The following MIA2 variants were observed in gnomAD, a reference collection of about 807,000 sequenced individuals.
MIA2 encodes melanoma inhibitory activity protein 2.
A neutral mutation model predicts 167.8 loss-of-function variants in MIA2; 127 were observed. The ratio of observed to expected loss-of-function variants is 0.76; its 90% CI spans 0.66 to 0.88. The LOEUF (loss-of-function observed/expected upper bound fraction) is 0.88, where lower values mean the gene tolerates loss of function less well. MIA2 is among the 40% of genes least tolerant of loss of function. The probability of loss-of-function intolerance (pLI) is 0.00; values close to 1 mark genes in which losing one functional copy is unlikely to be tolerated. For missense variants in MIA2, 1,690 were observed against 1,624.7 expected (o/e 1.04, Z -0.69); for synonymous variants, 552 against 541.9 (o/e 1.02, Z -0.26).
At chr14:39,290,877 TAA>T in intron 9 of MIA2, 140 bp from the exon 10 acceptor site, 1 of 737,328 alleles carries the variant, frequency 1.4e-6, no homozygotes, top group Non-Finnish European at 2.2e-6. Context: ...TGGTCAGATT[TAA>T]AAAACTTAAA....
At chr14:39,240,455 C>T (rs1022211227) in intron 2 of MIA2, 106 bp from the exon 3 acceptor site, 42 of 644,050 alleles carry the variant, frequency 6.5e-5, no homozygotes, top group South Asian at 3.0e-4. Flanking sequence ...GTAATGTTTG[C>T]GATTCAGAGT....
At position 39,313,427 on chromosome 14, in the gene MIA2, G is replaced by A. The variant is rs2064719871; in HGVS notation, c.3105G>A (p.Glu1035=). 9 of 1,595,404 alleles carry A rather than the reference G, an allele frequency of 5.6e-6. No individual in the cohort carries two copies. The highest frequency in any genetic ancestry group is 7.7e-6 in the Non-Finnish European group (9 of 1,169,716). The part of the protein sequence containing the change: ...VDEKISHATE[E]LETYRKRAKD... Reference sequence around the variant, plus strand: ...AAAAGATCAGCCATGCCACTGAAGAGCTGGAGACCTATAGGTATTAAATAC... The same window carrying A: ...AAAAGATCAGCCATGCCACTGAAGAACTGGAGACCTATAGGTATTAAATAC... The change falls in exon 19 of 29, where the codon GAG becomes GAA. Residue 1035 remains glutamate, a synonymous_variant. Coordinates refer to ENST00000640607, the MANE Select transcript of MIA2 (RefSeq NM_001329214.4).
intron 25 of MIA2, among the ~76,000 whole-genome samples, chr14:39,338,188 T>C (rs1271429048): frequency 6.6e-6 from 1 of 152,172 alleles, no homozygotes; most frequent in Non-Finnish European, 1.5e-5. Context: ...TGGTAGTGAT[T>C]ACATAAATCT....
At chr14:39,243,324 G>T (rs1448510786) in intron 3 of MIA2, among the ~76,000 whole-genome samples, 2 of 152,000 alleles carry the variant, frequency 1.3e-5, no homozygotes, top group African/African-American at 2.4e-5. Context: ...CATTGTATCT[G>T]GGGTACTGTA....
Position 39,267,294 on chromosome 14 carries a change from G to T in MIA2, c.1888-9640G>T, listed in dbSNP as rs949138197. On this transcript the variant is annotated intron_variant, in intron 6 of 28. Transcript: ENST00000640607. ...GCAGCGTAGGCCTGTGAGGCCTGCG[G>T]GTGCCCCTGTCCCCCAGCTCCCCCC... The T allele has an allele frequency of 2.0e-5, 29 of 1,463,562 alleles. No homozygotes were observed. The African/African-American group carries it at 4.0e-4, about 20-fold the overall frequency. 90.7% of individuals were successfully genotyped at this position (1,463,562 alleles called of 1,614,324 possible).
intron 24 of MIA2, among the ~76,000 whole-genome samples, chr14:39,325,219 C>A (rs1315276001): frequency 6.6e-6 from 1 of 151,534 alleles, no homozygotes; most frequent in Non-Finnish European, 1.5e-5. Context: ...GTGAGTGAGA[C>A]CTTGTCTCAA....
chr14:39,345,887 A>G lies in MIA2; in HGVS notation c.3656-17A>G, dbSNP rs2153070322. ...ATATTTACATTAATGAAGACATTTT[A>G]AAAACTTATTTTCTAGGACAATCAT... On this transcript the variant is annotated splice_polypyrimidine_tract_variant and intron_variant, in intron 25 of 28. Transcript: ENST00000640607. 3 of 1,595,614 alleles carry G rather than the reference A, an allele frequency of 1.9e-6. No homozygotes were observed. Among genetic ancestry groups the G allele is most frequent in the Middle Eastern group, 2.3e-4 (1 of 4,354 alleles).
intron 4 of MIA2, among the ~76,000 whole-genome samples, chr14:39,249,180 A>T (rs1465923741): frequency 6.6e-6 from 1 of 151,914 alleles, no homozygotes; most frequent in Non-Finnish European, 1.5e-5. Context: ...TCACTCTGTC[A>T]CCTACACTGG....
rs367966474 is a variant in MIA2, at chr14:39,331,597, G to A, written c.3655+4575G>A. On this transcript the variant is annotated intron_variant, in intron 25 of 28. Transcript: ENST00000640607. Reference sequence around the variant, plus strand: ...TGTGTTTTTGCAGTGGCTGGTAGCGGTTTTTCCCTTCCATATTTAGTGCTT... The same window carrying A: ...TGTGTTTTTGCAGTGGCTGGTAGCGATTTTTCCCTTCCATATTTAGTGCTT... Among the ~76,000 whole-genome samples the A allele has an allele frequency of 5.1e-4, 78 of 152,274 alleles. 3 individuals are homozygous for A. The South Asian group carries it at 9.9e-3, about 19-fold the overall frequency.
intron 9 of MIA2, among the ~76,000 whole-genome samples, chr14:39,281,307 TA>T (rs2058903905): frequency 6.6e-6 from 1 of 152,198 alleles, no homozygotes; most frequent in African/African-American, 2.4e-5. Context: ...TCTGGGACTA[TA>T]AAAATGGGTA....
chr14:39,382,261 G>A lies in MIA2; in HGVS notation c.2249-4624G>A, dbSNP rs567811490. Among the ~76,000 whole-genome samples the A allele has an allele frequency of 8.5e-5, 13 of 152,200 alleles. 1 individual carries two copies. Among genetic ancestry groups the A allele is most frequent in the Non-Finnish European group, 1.5e-4 (10 of 68,042 alleles). ...ATTCTCTGGAAGGGAGAGCTCACAG[G>A]CCTCAGCAAATCATCCTATTTGAGC... On this transcript the variant is annotated intron_variant, in intron 23 of 23. Coordinates refer to the MIA2 transcript ENST00000341502.
At chr14:39,297,208 C>A (rs2061552744) in intron 13 of MIA2, among the ~76,000 whole-genome samples, 1 of 152,054 alleles carries the variant, frequency 6.6e-6, no homozygotes, top group African/African-American at 2.4e-5. Context: ...ATTCTCCTGC[C>A]TCAGCCTCCC....
intron 16 of MIA2, among the ~76,000 whole-genome samples, chr14:39,303,942 T>C (rs2062922829): frequency 6.6e-6 from 1 of 152,094 alleles, no homozygotes; most frequent in African/African-American, 2.4e-5. Flanking sequence ...GGTATCCTCA[T>C]TTTTGCTGAT....
rs377688532 is a variant in MIA2, at chr14:39,234,747, T to C, written c.115+518T>C. On this transcript the variant is annotated intron_variant, in intron 1 of 28. Coordinates refer to ENST00000640607, the MANE Select transcript of MIA2 (RefSeq NM_001329214.4). ...TCTAAACTTTACTAAATGTTAATCATTTCTGTGTTATTTATTATGTAAAAA... is the reference window on the plus strand; with the variant it reads ...TCTAAACTTTACTAAATGTTAATCACTTCTGTGTTATTTATTATGTAAAAA... 1.3e-4 allele frequency among the ~76,000 whole-genome samples: 20 copies of C among 152,268 alleles called. No individual in the cohort carries two copies. The East Asian group carries it at 3.3e-3, about 25-fold the overall frequency.
chr14:39,267,361 G>A (rs555043821), intron 6 of MIA2: 8 of 1,585,488 alleles, frequency 5.0e-6, no homozygotes, highest in Non-Finnish European at 5.1e-6. Flanking sequence ...GCCGGGTGCG[G>A]ATTCGGGTTC....
At chr14:39,311,464 TGC>T (rs145026621) in intron 18 of MIA2, among the ~76,000 whole-genome samples, 4,686 of 83,750 alleles carry the variant, frequency 0.056, 357 homozygotes, top group East Asian at 0.13. Flanking sequence ...CTTGATGTGT[TGC>T]TTTTTTTTTT....
chr14:39,253,825 A>G (rs893471974), intron 6 of MIA2, among the ~76,000 whole-genome samples: 1 of 152,196 alleles, frequency 6.6e-6, no homozygotes, highest in African/African-American at 2.4e-5. Context: ...TTTACTATTA[A>G]ATGAGATATT....
chr14:39,335,699 A>G (rs892637986), intron 25 of MIA2, among the ~76,000 whole-genome samples: 1 of 152,106 alleles, frequency 6.6e-6, no homozygotes, highest in African/African-American at 2.4e-5. Context: ...GCGTGACTGA[A>G]TTCATCACCC....
intron 23 of MIA2, among the ~76,000 whole-genome samples, chr14:39,379,354 A>G (rs1402203317): frequency 3.9e-5 from 6 of 152,308 alleles, no homozygotes; most frequent in Non-Finnish European, 8.8e-5. Context: ...GAGTGGTTGA[A>G]TAGTTTTAAT....
Sources: allele counts gnomAD v4.1 joint callset (sites outside exome capture counted in the v4.1 genomes callset), GRCh38; gene constraint gnomAD v4.1.1; transcripts MANE v1.5; gene names NCBI Gene and HGNC (gene_info 2026-07-23, HGNC 2026-07-21).